Variants in GNG4 observed in about 807,000 individuals in gnomAD.
GNG4 encodes guanine nucleotide-binding protein G(I)/G(S)/G(O) subunit gamma-4.
GNG4 carries 4 observed loss-of-function variants against 5.8 expected under a neutral mutation model. That is an observed-to-expected ratio of 0.69 (90% CI 0.34 to 1.57). GNG4 has a LOEUF of 1.57. Ranked by LOEUF, GNG4 falls within the 40% of genes most tolerant of loss-of-function variation. The pLI, the probability that GNG4 is intolerant of heterozygous loss-of-function variation, is 0.06. For synonymous variants in GNG4, 29 were observed against 32.9 expected (o/e 0.88, Z 0.41); for missense variants, 96 against 95.1 (o/e 1.01, Z -0.04).
intron 1 of GNG4, among the ~76,000 whole-genome samples, chr1:235,626,958 C>CAAAAAAAAAAAAAAAAAAAAAA (rs776506587): frequency 1.3e-5 from 1 of 77,356 alleles, no homozygotes; most frequent in African/African-American, 5.0e-5. Flanking sequence ...GACTCTATCT[C>CAAAAAAAAAAAAAAAAAAAAAA]AAAAAAAAAA....
chr1:235,645,751 C>T (rs1366710368), intron 1 of GNG4, among the ~76,000 whole-genome samples: 3 of 140,842 alleles, frequency 2.1e-5, no homozygotes, highest in South Asian at 4.5e-4. Flanking sequence ...GAGCCAAGAT[C>T]GTGCCATTGC....
In GNG4 at chr1:235,565,178, C is replaced by T. The variant is rs543639183; in HGVS notation, c.100-12941G>A. ...TGGCAAGAATCCTGAACAGGAAGGT[C>T]GTCTCTGAGCAAGTCAGAGGCTAAA... On this transcript the variant is annotated intron_variant, in intron 3 of 3. Transcript: ENST00000391854. 1.8e-3 allele frequency among the ~76,000 whole-genome samples: 280 copies of T among 152,198 alleles called. 1 individual carries two copies. Among genetic ancestry groups the T allele is most frequent in the African/African-American group, 5.3e-3 (219 of 41,554 alleles).
In GNG4 at chr1:235,583,778, C is replaced by G; in HGVS notation, c.61G>C (p.Glu21Gln). ...TSISQARKAV[E>Q]QLKMEACMDR... ...ATACAGGCTTCCATCTTTAGCTGCT[C>G]CACAGCTTTCCTGGCTTGGGAGATG... The change falls in exon 3 of 4, where the codon GAG (glutamate) becomes CAG (glutamine). Residue 21 changes from glutamate to glutamine, a missense_variant. By Grantham distance (29) the Glu-to-Gln change is conservative. Transcript: ENST00000391854. 1 of 1,613,766 alleles carries G rather than the reference C, an allele frequency of 6.2e-7. No individual in the cohort carries two copies. The highest frequency in any genetic ancestry group is 8.5e-7 in the Non-Finnish European group (1 of 1,179,692).
Position 235,608,985 on chromosome 1 carries a change from C to T in GNG4, c.-122-13474G>A, listed in dbSNP as rs116810221. The stretch of plus-strand genomic sequence containing the variant: ...AGGTATGAGCCACTGTGTCTGGCTC[C>T]TCAATTTTTTTTTGTTGTTGTTGTT... On this transcript the variant is annotated intron_variant, in intron 1 of 3. Transcript: ENST00000391854. Among the ~76,000 whole-genome samples the T allele has an allele frequency of 5.1e-3, 772 of 152,050 alleles. 13 individuals carry two copies. Among genetic ancestry groups the T allele is most frequent in the African/African-American group, 0.018 (739 of 41,490 alleles).
At chr1:235,616,200 G>T in intron 1 of GNG4, 1 of 523,114 alleles carries the variant, frequency 1.9e-6, no homozygotes, top group South Asian at 1.4e-5. Context: ...TCTGCCAACT[G>T]AATTTTTGTG....
At chr1:235,597,628 G>GTGTT (rs772061855) in intron 1 of GNG4, among the ~76,000 whole-genome samples, 3 of 72,448 alleles carry the variant, frequency 4.1e-5, no homozygotes, top group African/African-American at 1.2e-4. Flanking sequence ...GTGTGTGTGT[G>GTGTT]TATTTTTTTT....
chr1:235,614,459 G>T (rs1688545616), intron 1 of GNG4, among the ~76,000 whole-genome samples: 2 of 150,724 alleles, frequency 1.3e-5, no homozygotes, highest in Admixed American at 1.3e-4. Context: ...TCTCTCTTTA[G>T]TTTATTAAAG....
intron 3 of GNG4, among the ~76,000 whole-genome samples, chr1:235,579,572 C>T (rs1180512739): frequency 7.9e-5 from 12 of 151,880 alleles, no homozygotes; most frequent in Non-Finnish European, 1.6e-4. Context: ...AACATAAGGC[C>T]GGGCATGGTG....
chr1:235,552,060 C>G lies in GNG4; in HGVS notation c.*49G>C, dbSNP rs780142189. 6.3e-7 allele frequency: 1 copy of G among 1,586,904 alleles called. No individual in the cohort carries two copies. Among genetic ancestry groups the G allele is most frequent in the East Asian group, 2.2e-5 (1 of 44,604 alleles). On this transcript the variant is annotated 3_prime_UTR_variant, in exon 4 of 4. Coordinates refer to ENST00000391854, the MANE Select transcript of GNG4 (RefSeq NM_001098722.2). ...AGGCTTAGAGCATGCATGGTCTCTA[C>G]AGGGGACTTTGAAGGTCAGAAAAGG...
At chr1:235,616,327 C>CTTT (rs1688588234) in intron 1 of GNG4, 2 of 434,714 alleles carry the variant, frequency 4.6e-6, no homozygotes, top group Non-Finnish European at 9.0e-6. Flanking sequence ...TCATTCAGAA[C>CTTT]CTGGGTCTGT....
intron 1 of GNG4, among the ~76,000 whole-genome samples, chr1:235,601,765 C>T (rs561212175): frequency 2.6e-5 from 4 of 152,110 alleles, no homozygotes; most frequent in Admixed American, 1.3e-4. Context: ...TGATGGGTGC[C>T]GCTTCCAGGC....
rs188333099 is a variant in GNG4 at position 235,628,009 on chromosome 1, C to T, written c.-123+21653G>A. On this transcript the variant is annotated intron_variant, in intron 1 of 3. Coordinates refer to ENST00000391854, the MANE Select transcript of GNG4 (RefSeq NM_001098722.2). ...CAGCCCGACGAACATGAAGAAACCCCGTCTCTACTACAAATACAAAATTAG... is the reference window on the plus strand; with the variant it reads ...CAGCCCGACGAACATGAAGAAACCCTGTCTCTACTACAAATACAAAATTAG... Among the ~76,000 whole-genome samples the T allele has an allele frequency of 6.3e-4, 96 of 152,066 alleles. 1 individual carries two copies. The East Asian group carries it at 0.015, about 23-fold the overall frequency.
At chr1:235,619,133 TAAAAAAAAAAAAA>T (rs71496930) in intron 1 of GNG4, among the ~76,000 whole-genome samples, 1 of 49,044 alleles carries the variant, frequency 2.0e-5, no homozygotes, top group African/African-American at 8.4e-5. Context: ...ACGCTGTCTC[TAAAAAAAAAAAAA>T]AAAAAAAAAA....
At chr1:235,641,557 G>A (rs1657330147) in intron 1 of GNG4, among the ~76,000 whole-genome samples, 1 of 152,206 alleles carries the variant, frequency 6.6e-6, no homozygotes, top group Non-Finnish European at 1.5e-5. Flanking sequence ...CTGGCGTGGT[G>A]GCGGGCGCCT....
intron 1 of GNG4, among the ~76,000 whole-genome samples, chr1:235,621,238 AT>A (rs35356841): frequency 0.36 from 50,276 of 140,036 alleles, 9,529 homozygotes; most frequent in Non-Finnish European, 0.39. Flanking sequence ...AAAAAGTCTA[AT>A]TTTTTTTTAA....
At chr1:235,583,431 C>T (rs1687692298) in intron 3 of GNG4, among the ~76,000 whole-genome samples, 1 of 152,216 alleles carries the variant, frequency 6.6e-6, no homozygotes, top group Admixed American at 6.5e-5. Flanking sequence ...AGTGATTGAT[C>T]TCATTGCTAA....
In GNG4 at chr1:235,603,501, C is replaced by T. The variant is rs371884940; in HGVS notation, c.-122-7990G>A. ...CGAGGTGCCCTCCCACCCAGACACC[C>T]AGGGCTCTACGTTTGCAGTAGGAAC... On this transcript the variant is annotated intron_variant, in intron 1 of 3. Transcript: ENST00000391854. Among the ~76,000 whole-genome samples the T allele has an allele frequency of 1.8e-4, 28 of 152,248 alleles. No homozygotes were observed. The East Asian group carries it at 5.4e-3, about 29-fold the overall frequency.
intron 2 of GNG4, among the ~76,000 whole-genome samples, chr1:235,590,264 G>A (rs886576107): frequency 2.0e-5 from 3 of 152,128 alleles, no homozygotes; most frequent in Non-Finnish European, 2.9e-5. Flanking sequence ...AGACCAGCCT[G>A]ACCAATATGG....
intron 2 of GNG4, among the ~76,000 whole-genome samples, chr1:235,587,835 G>T (rs1687858890): frequency 6.9e-6 from 1 of 145,936 alleles, no homozygotes. Context: ...AGAGCATGCG[G>T]GGTGAACGTG....
Sources: allele counts gnomAD v4.1 joint callset (sites outside exome capture counted in the v4.1 genomes callset), GRCh38; gene constraint gnomAD v4.1.1; transcripts MANE v1.5; gene names NCBI Gene and HGNC (gene_info 2026-07-23, HGNC 2026-07-21).